Variants in CYP4X1 observed in about 807,000 individuals in gnomAD.
The protein encoded by CYP4X1 is cytochrome P450 4X1.
In CYP4X1, 44 loss-of-function variants were observed where a neutral mutation model predicts 57.9. The ratio of observed to expected loss-of-function variants is 0.76; its 90% confidence interval spans 0.60 to 0.98. CYP4X1 has a LOEUF of 0.98. CYP4X1 is among the 50% of genes least tolerant of loss of function. The pLI, the probability that CYP4X1 is intolerant of heterozygous loss-of-function variation, is 0.00. For missense variants in CYP4X1, 532 were observed against 623.9 expected (o/e 0.85, Z 1.57); for synonymous variants, 227 against 228.6 (o/e 0.99, Z 0.06).
At chr1:47,014,707 G>A in the CYP4X1 span, among the ~76,000 whole-genome samples, 2 of 152,168 alleles carry the variant, frequency 1.3e-5, no homozygotes, top group African/African-American at 4.8e-5. Context: ...CACACTGGAT[G>A]ATCCTGGTTT....
the CYP4X1 span, among the ~76,000 whole-genome samples, chr1:46,991,768 T>C: frequency 6.6e-6 from 1 of 151,420 alleles, no homozygotes; most frequent in Non-Finnish European, 1.5e-5. Context: ...AGGAATACGC[T>C]GGCCGGCGAC....
chr1:47,032,929 C>A (rs780627162), intron 3 of CYP4X1, among the ~76,000 whole-genome samples: 15 of 152,098 alleles, frequency 9.9e-5, no homozygotes, highest in Non-Finnish European at 1.6e-4. Context: ...AAGATTGAGT[C>A]ACTTATTCAG....
the CYP4X1 span, among the ~76,000 whole-genome samples, chr1:47,016,230 TA>T: frequency 4.9e-4 from 71 of 144,924 alleles, no homozygotes; most frequent in African/African-American, 3.0e-4. Flanking sequence ...TTCAAGAAAT[TA>T]AAAAAAAAAA....
At chr1:46,965,755 G>A in the CYP4X1 span, among the ~76,000 whole-genome samples, 1 of 152,232 alleles carries the variant, frequency 6.6e-6, no homozygotes, top group East Asian at 1.9e-4. Context: ...TGCAGCAGGG[G>A]TCCTTCCTCA....
chr1:47,044,888 T>C (rs1311062929), intron 8 of CYP4X1, among the ~76,000 whole-genome samples: 1 of 151,714 alleles, frequency 6.6e-6, no homozygotes, highest in Non-Finnish European at 1.5e-5. Flanking sequence ...AGTGGCGCAA[T>C]CTCTCAGCTT....
At chr1:46,970,887 T>C in the CYP4X1 span, among the ~76,000 whole-genome samples, 2 of 152,216 alleles carry the variant, frequency 1.3e-5, no homozygotes, top group Non-Finnish European at 2.9e-5. Context: ...GGTGGTTTTT[T>C]AATTCTTTCT....
the CYP4X1 span, among the ~76,000 whole-genome samples, chr1:46,995,422 G>T: frequency 6.6e-6 from 1 of 151,932 alleles, no homozygotes; most frequent in East Asian, 1.9e-4. Context: ...GGAGTTAACC[G>T]GGTAGAGAGT....
At chr1:47,053,821 C>G (rs1197752541), downstream of CYP4X1, among the ~76,000 whole-genome samples, 5 of 152,230 alleles carry the variant, frequency 3.3e-5, no homozygotes, top group African/African-American at 1.2e-4. Context: ...GATATTAGGC[C>G]TTTGTCAGAT....
chr1:47,006,030 A>G, the CYP4X1 span, among the ~76,000 whole-genome samples: 36 of 152,360 alleles, frequency 2.4e-4, no homozygotes, highest in African/African-American at 8.2e-4. Flanking sequence ...CAAGGGAATC[A>G]CTAACTTTAA....
chr1:46,994,089 C>T, the CYP4X1 span, among the ~76,000 whole-genome samples: 21 of 152,118 alleles, frequency 1.4e-4, no homozygotes, highest in African/African-American at 5.1e-4. Flanking sequence ...CTTTAATCCA[C>T]CTTGAATTAA....
chr1:47,054,826 C>T (rs1300919323), downstream of CYP4X1, among the ~76,000 whole-genome samples: 4 of 152,160 alleles, frequency 2.6e-5, no homozygotes, highest in East Asian at 1.9e-4. Flanking sequence ...TGGGCTGAGA[C>T]GATGGGGTTT....
the CYP4X1 span, among the ~76,000 whole-genome samples, chr1:46,983,116 G>C: frequency 3.3e-5 from 5 of 152,160 alleles, no homozygotes; most frequent in Non-Finnish European, 7.4e-5. Context: ...GGGTGGCTAT[G>C]GTGTGCTGGA....
the CYP4X1 span, among the ~76,000 whole-genome samples, chr1:47,007,219 T>C: frequency 1.3e-5 from 2 of 152,172 alleles, no homozygotes; most frequent in African/African-American, 4.8e-5. Flanking sequence ...GGTACTCCTC[T>C]GAGACAAAAT....
At chr1:46,989,245 C>G in the CYP4X1 span, among the ~76,000 whole-genome samples, 1 of 151,922 alleles carries the variant, frequency 6.6e-6, no homozygotes, top group African/African-American at 2.4e-5. Context: ...AGCATTCCTA[C>G]ACAACAATAA....
the CYP4X1 span, among the ~76,000 whole-genome samples, chr1:46,988,510 G>C: frequency 6.6e-6 from 1 of 152,170 alleles, no homozygotes; most frequent in Non-Finnish European, 1.5e-5. Context: ...TAGAAAAAGA[G>C]AGACTCCTTG....
chr1:47,051,580 C>G (rs1557613926), downstream of CYP4X1, among the ~76,000 whole-genome samples: 1 of 152,112 alleles, frequency 6.6e-6, no homozygotes, highest in Non-Finnish European at 1.5e-5. Context: ...ACCTAATTTG[C>G]TTTCACTCTT....
the CYP4X1 span, among the ~76,000 whole-genome samples, chr1:47,002,549 A>G: frequency 2.6e-5 from 4 of 152,260 alleles, no homozygotes; most frequent in African/African-American, 9.6e-5. Context: ...AATTTACAGA[A>G]TTACTTATTT....
intron 8 of CYP4X1, among the ~76,000 whole-genome samples, chr1:47,045,847 G>T (rs1324207233): frequency 6.6e-6 from 1 of 152,186 alleles, no homozygotes; most frequent in African/African-American, 2.4e-5. Context: ...TCTTTTTCAA[G>T]CTGGTCCCAG....
chr1:47,051,692 C>A (rs61572316), downstream of CYP4X1, among the ~76,000 whole-genome samples: 2,342 of 152,130 alleles, frequency 0.015, 53 homozygotes, highest in African/African-American at 0.054. Context: ...GACAAACACC[C>A]ACGTCTAAAA....
Sources: allele counts gnomAD v4.1 joint callset (sites outside exome capture counted in the v4.1 genomes callset), GRCh38; gene constraint gnomAD v4.1.1; transcripts MANE v1.5; gene names NCBI Gene and HGNC (gene_info 2026-07-23, HGNC 2026-07-21).